MACROD2: variants seen among roughly 807,000 people sequenced by gnomAD.
MACROD2 encodes mono-ADP ribosylhydrolase 2.
Under a neutral mutation model 70.4 loss-of-function variants are expected in MACROD2, and 36 were observed. That is an observed-to-expected ratio of 0.51 (90% CI 0.39 to 0.68). The LOEUF (loss-of-function observed/expected upper bound fraction) is 0.68, where lower values mean the gene tolerates loss of function less well. Among genes scored for constraint, MACROD2 ranks in the 30% least tolerant of loss-of-function variants. The probability of loss-of-function intolerance (pLI) is 0.00; values close to 1 mark genes in which losing one functional copy is unlikely to be tolerated. For synonymous variants in MACROD2, 172 were observed against 178.8 expected (o/e 0.96, Z 0.30); for missense variants, 496 against 538.4 (o/e 0.92, Z 0.78).
chr20:15,422,800 T>C (rs6034183), intron 6 of MACROD2, among the ~76,000 whole-genome samples: 69,183 of 152,004 alleles, frequency 0.46, 15,958 homozygotes, highest in African/African-American at 0.52. Context: ...AAATAAGCCA[T>C]CTAGCCCAGC....
intron 6 of MACROD2, among the ~76,000 whole-genome samples, chr20:15,353,560 A>G (rs1029425180): frequency 5.9e-5 from 9 of 152,126 alleles, no homozygotes; most frequent in Admixed American, 4.6e-4. Context: ...ATCACAGTGA[A>G]CAGGCAACCT....
At chr20:15,461,983 A>C (rs2046825800) in intron 7 of MACROD2, among the ~76,000 whole-genome samples, 1 of 152,112 alleles carries the variant, frequency 6.6e-6, no homozygotes, top group Non-Finnish European at 1.5e-5. Context: ...AGCCTCATTT[A>C]CATCTTTTAT....
intron 8 of MACROD2, among the ~76,000 whole-genome samples, chr20:15,636,969 C>T (rs182967727): frequency 1.3e-5 from 2 of 152,166 alleles, no homozygotes; most frequent in East Asian, 3.9e-4. Context: ...TCCAGGAAGC[C>T]ACTTCACTGC....
At chr20:16,018,054 A>G (rs1371807472) in intron 15 of MACROD2, among the ~76,000 whole-genome samples, 1 of 152,212 alleles carries the variant, frequency 6.6e-6, no homozygotes, top group African/African-American at 2.4e-5. Flanking sequence ...AGCTACAGAA[A>G]GGCCTTTAGC....
chr20:15,211,214 G>A (rs2076760922), intron 5 of MACROD2, among the ~76,000 whole-genome samples: 1 of 152,194 alleles, frequency 6.6e-6, no homozygotes, highest in South Asian at 2.1e-4. Flanking sequence ...TTTTGTCTCT[G>A]TTTTCCTTAA....
At chr20:15,732,298 C>G (rs1293713823) in intron 8 of MACROD2, among the ~76,000 whole-genome samples, 3 of 152,056 alleles carry the variant, frequency 2.0e-5, no homozygotes, top group Non-Finnish European at 4.4e-5. Context: ...TTGTTTCAAG[C>G]ATCATATAAA....
chr20:15,943,817 T>C (rs2065783958), intron 12 of MACROD2, among the ~76,000 whole-genome samples: 1 of 152,134 alleles, frequency 6.6e-6, no homozygotes, highest in African/African-American at 2.4e-5. Flanking sequence ...TAAAAATTAT[T>C]TTTGCTTATA....
chr20:14,245,468 G>A (rs1379784063), intron 3 of MACROD2, among the ~76,000 whole-genome samples: 1 of 152,054 alleles, frequency 6.6e-6, no homozygotes, highest in Non-Finnish European at 1.5e-5. Context: ...CTTCAGTGGA[G>A]AAACTTGAAG....
chr20:14,580,113 GA>G (rs894483417), intron 4 of MACROD2, among the ~76,000 whole-genome samples: 3 of 150,966 alleles, frequency 2.0e-5, no homozygotes, highest in Non-Finnish European at 4.4e-5. Context: ...TCTTCTTCAA[GA>G]AAAAAAAATT....
At chr20:15,103,555 A>G (rs752205997) in intron 5 of MACROD2, among the ~76,000 whole-genome samples, 8 of 152,154 alleles carry the variant, frequency 5.3e-5, no homozygotes, top group Non-Finnish European at 1.2e-4. Flanking sequence ...ATTCTGTTGG[A>G]CCATTAGTAT....
intron 5 of MACROD2, among the ~76,000 whole-genome samples, chr20:15,058,837 C>A (rs1479058682): frequency 6.6e-6 from 1 of 152,116 alleles, no homozygotes; most frequent in Non-Finnish European, 1.5e-5. Context: ...TCAGTACCTA[C>A]ATGTGAGAGA....
intron 3 of MACROD2, chr20:14,327,291 A>G (rs748324467): frequency 6.2e-7 from 1 of 1,613,804 alleles, no homozygotes; most frequent in Non-Finnish European, 8.5e-7. Flanking sequence ...GAATCCCAGC[A>G]TTATTTATTT....
At chr20:16,003,081 CCCACA>C (rs2066735402) in intron 15 of MACROD2, among the ~76,000 whole-genome samples, 13 of 11,496 alleles carry the variant, frequency 1.1e-3, no homozygotes, top group Non-Finnish European at 4.1e-3. Flanking sequence ...CACCCACCCA[CCCACA>C]CACACACACA....
intron 3 of MACROD2, among the ~76,000 whole-genome samples, chr20:14,298,623 T>C (rs1601448285): frequency 6.6e-6 from 1 of 150,878 alleles, no homozygotes. Context: ...CCATAGATAG[T>C]GTTTCCTCTG....
At chr20:14,648,760 T>C (rs1985530492) in intron 4 of MACROD2, among the ~76,000 whole-genome samples, 1 of 152,154 alleles carries the variant, frequency 6.6e-6, no homozygotes, top group African/African-American at 2.4e-5. Context: ...AGTTGGGTCT[T>C]ATTAAAGATC....
At chr20:14,175,065 C>G (rs551256838) in intron 3 of MACROD2, among the ~76,000 whole-genome samples, 6 of 152,226 alleles carry the variant, frequency 3.9e-5, no homozygotes, top group African/African-American at 1.4e-4. Flanking sequence ...AGCAATCTTC[C>G]TTCTTCAAAG....
chr20:14,050,924 G>C (rs992545531), intron 2 of MACROD2, among the ~76,000 whole-genome samples: 1 of 152,162 alleles, frequency 6.6e-6, no homozygotes, highest in Non-Finnish European at 1.5e-5. Flanking sequence ...ACGGAACCAG[G>C]TCTTCAGAGG....
At chr20:14,862,654 TAA>T (rs1491332358) in intron 5 of MACROD2, among the ~76,000 whole-genome samples, 2 of 50,246 alleles carry the variant, frequency 4.0e-5, no homozygotes, top group African/African-American at 7.9e-5. Flanking sequence ...TATATATATA[TAA>T]ATATATATAT....
At chr20:15,924,616 A>G (rs190713422) in intron 10 of MACROD2, among the ~76,000 whole-genome samples, 52 of 152,330 alleles carry the variant, frequency 3.4e-4, no homozygotes, top group African/African-American at 1.2e-3. Flanking sequence ...CTAAAGGGAA[A>G]GGCTTTTGTC....
Sources: gnomAD v4.1 joint callset for allele counts (sites outside exome capture counted in the v4.1 genomes callset) on GRCh38, gnomAD v4.1.1 for gene constraint, MANE v1.5 for transcripts, NCBI Gene and HGNC (gene_info 2026-07-23, HGNC 2026-07-21) for gene names.